Variants in COX7B2 observed in about 807,000 individuals in gnomAD.
COX7B2 encodes cytochrome c oxidase subunit 7B2, mitochondrial.
For synonymous variants in COX7B2, 37 were observed against 32.1 expected (o/e 1.15, Z -0.51); for missense variants, 109 against 95.9 (o/e 1.14, Z -0.57).
intron 2 of COX7B2, among the ~76,000 whole-genome samples, chr4:46,763,050 T>TATAA (rs1560363020): frequency 4.6e-5 from 6 of 131,070 alleles, no homozygotes; most frequent in African/African-American, 1.7e-4. Context: ...TTATATATTA[T>TATAA]AATATGTAAT....
At chr4:46,831,481 G>A (rs1156460533) in intron 2 of COX7B2, among the ~76,000 whole-genome samples, 2 of 152,194 alleles carry the variant, frequency 1.3e-5, no homozygotes, top group Non-Finnish European at 2.9e-5. Flanking sequence ...GCCCCAGTGC[G>A]GGATCCACTG....
chr4:46,798,409 C>T (rs1411715842), intron 2 of COX7B2, among the ~76,000 whole-genome samples: 1 of 152,212 alleles, frequency 6.6e-6, no homozygotes, highest in Non-Finnish European at 1.5e-5. Context: ...GAAGGCTCTA[C>T]AACAGGTTCA....
At chr4:46,791,061 G>A (rs1402027473) in intron 2 of COX7B2, among the ~76,000 whole-genome samples, 2 of 152,090 alleles carry the variant, frequency 1.3e-5, no homozygotes, top group African/African-American at 4.8e-5. Context: ...GTGCAGTGGC[G>A]CGATCTCGGC....
chr4:46,790,806 AC>A, intron 2 of COX7B2, among the ~76,000 whole-genome samples: 1 of 152,166 alleles, frequency 6.6e-6, no homozygotes, highest in South Asian at 2.1e-4. Flanking sequence ...GGAACTATTA[AC>A]CTCCTAATTT....
intron 2 of COX7B2, among the ~76,000 whole-genome samples, chr4:46,827,769 T>C (rs1196715865): frequency 6.6e-6 from 1 of 152,202 alleles, no homozygotes; most frequent in Non-Finnish European, 1.5e-5. Context: ...TGTGTGTGTG[T>C]CTATATATAC....
At chr4:46,739,343 C>CAAAA (rs1324121809) in intron 2 of COX7B2, among the ~76,000 whole-genome samples, 14 of 151,410 alleles carry the variant, frequency 9.2e-5, no homozygotes, top group Admixed American at 2.6e-4. Context: ...CCAAACCAAA[C>CAAAA]CAAAACAAAA....
chr4:46,764,849 T>A (rs1716432588), intron 2 of COX7B2, among the ~76,000 whole-genome samples: 1 of 150,600 alleles, frequency 6.6e-6, no homozygotes, highest in Non-Finnish European at 1.5e-5. Flanking sequence ...CAAAGCACAC[T>A]ACCACAAAAA....
At chr4:46,813,359 A>G (rs1484089977) in intron 2 of COX7B2, among the ~76,000 whole-genome samples, 1 of 152,184 alleles carries the variant, frequency 6.6e-6, no homozygotes, top group East Asian at 1.9e-4. Context: ...TTTCCTTGAA[A>G]CACTTCAGGA....
intron 2 of COX7B2, among the ~76,000 whole-genome samples, chr4:46,821,972 C>T (rs1192120318): frequency 3.3e-5 from 5 of 152,198 alleles, no homozygotes; most frequent in South Asian, 2.1e-4. Flanking sequence ...AGTGCAGTGG[C>T]GCAATCTCAG....
chr4:46,763,410 TAC>T (rs1716343520), intron 2 of COX7B2, among the ~76,000 whole-genome samples: 1 of 151,480 alleles, frequency 6.6e-6, no homozygotes, highest in Admixed American at 6.6e-5. Flanking sequence ...ATCCTGTTCC[TAC>T]CAGTGGTGAT....
intron 2 of COX7B2, among the ~76,000 whole-genome samples, chr4:46,751,349 A>G (rs542873876): frequency 5.9e-4 from 90 of 151,948 alleles, no homozygotes; most frequent in African/African-American, 2.0e-3. Flanking sequence ...TAGAGTGTAT[A>G]CATGTTATTT....
chr4:46,797,662 C>G (rs1381474177), intron 2 of COX7B2, among the ~76,000 whole-genome samples: 1 of 152,166 alleles, frequency 6.6e-6, no homozygotes, highest in Non-Finnish European at 1.5e-5. Flanking sequence ...TTGAAGGATA[C>G]AGGGGCAATG....
At chr4:46,743,768 T>C (rs761957895) in intron 2 of COX7B2, among the ~76,000 whole-genome samples, 156 of 152,216 alleles carry the variant, frequency 1.0e-3, no homozygotes, top group Non-Finnish European at 1.7e-3. Flanking sequence ...ATGCTTTTTT[T>C]CCCCCTGAAG....
At chr4:46,783,095 T>C (rs879679733) in intron 2 of COX7B2, among the ~76,000 whole-genome samples, 1 of 152,158 alleles carries the variant, frequency 6.6e-6, no homozygotes, top group Non-Finnish European at 1.5e-5. Context: ...AAAAATGGGG[T>C]ACATGAAAAG....
At chr4:46,737,832 CAGCTCAG>C (rs1166002476) in intron 2 of COX7B2, among the ~76,000 whole-genome samples, 2 of 152,082 alleles carry the variant, frequency 1.3e-5, no homozygotes, top group African/African-American at 4.8e-5. Flanking sequence ...TGAGATTTTC[CAGCTCAG>C]AAGACTTTAT....
chr4:46,891,312 T>A (rs1719417519), intron 1 of COX7B2, among the ~76,000 whole-genome samples: 1 of 152,184 alleles, frequency 6.6e-6, no homozygotes, highest in Non-Finnish European at 1.5e-5. Context: ...ATCTTCCATA[T>A]ACAGATGGTA....
intron 1 of COX7B2, among the ~76,000 whole-genome samples, chr4:46,892,078 C>A (rs930841759): frequency 6.6e-6 from 1 of 152,168 alleles, no homozygotes; most frequent in African/African-American, 2.4e-5. Context: ...AATTGATCAA[C>A]ATACCAATGT....
chr4:46,862,525 G>A (rs189660941), intron 1 of COX7B2, among the ~76,000 whole-genome samples: 132 of 152,260 alleles, frequency 8.7e-4, no homozygotes, highest in Admixed American at 2.1e-3. Context: ...AAGTCCAAAT[G>A]CTTTTCAAAG....
intron 2 of COX7B2, among the ~76,000 whole-genome samples, chr4:46,780,361 C>G (rs1238789096): frequency 6.6e-6 from 1 of 152,026 alleles, no homozygotes; most frequent in African/African-American, 2.4e-5. Flanking sequence ...ACTAAAAATA[C>G]AAAAAATTAG....
Sources: gnomAD v4.1 joint callset for allele counts (sites outside exome capture counted in the v4.1 genomes callset) on GRCh38, gnomAD v4.1.1 for gene constraint, MANE v1.5 for transcripts, NCBI Gene and HGNC (gene_info 2026-07-23, HGNC 2026-07-21) for gene names.